Variants in LZTFL1 observed in about 807,000 individuals in gnomAD.
LZTFL1 encodes the protein leucine zipper transcription factor-like protein 1.
A neutral mutation model predicts 45.9 loss-of-function variants in LZTFL1; 25 were observed. That is an observed-to-expected ratio of 0.54 (90% CI 0.40 to 0.76). LZTFL1 has a LOEUF of 0.76. Among genes scored for constraint, LZTFL1 ranks in the 30% least tolerant of loss-of-function variants. The probability of loss-of-function intolerance (pLI) is 0.00; values close to 1 mark genes in which losing one functional copy is unlikely to be tolerated. For missense variants in LZTFL1, 277 were observed against 331.1 expected (o/e 0.84, Z 1.27); for synonymous variants, 93 against 117.4 (o/e 0.79, Z 1.35).
intron 2 of LZTFL1, among the ~76,000 whole-genome samples, chr3:45,869,836 A>T (rs974606898): frequency 1.0e-4 from 16 of 152,392 alleles, no homozygotes; most frequent in Admixed American, 7.8e-4. Flanking sequence ...AAGATGAAAG[A>T]TGATGTCATC....
chr3:45,914,077 G>T (rs1040837735), intron 1 of LZTFL1, among the ~76,000 whole-genome samples: 1 of 152,116 alleles, frequency 6.6e-6, no homozygotes, highest in Non-Finnish European at 1.5e-5. Context: ...TGAGGAAGAC[G>T]GCCTGGTTCC....
intron 2 of LZTFL1, among the ~76,000 whole-genome samples, chr3:45,861,399 C>CA (rs1451172597): frequency 1.3e-5 from 2 of 152,102 alleles, no homozygotes; most frequent in Non-Finnish European, 2.9e-5. Context: ...TGTATTTTCT[C>CA]AGTCAGAAGC....
intron 2 of LZTFL1, among the ~76,000 whole-genome samples, chr3:45,876,902 TG>T (rs1469372417): frequency 6.6e-6 from 1 of 152,126 alleles, no homozygotes; most frequent in African/African-American, 2.4e-5. Context: ...GTCACAGGAC[TG>T]GGGAGTGGAA....
At chr3:45,872,297 G>C (rs565338013) in intron 2 of LZTFL1, among the ~76,000 whole-genome samples, 1 of 152,168 alleles carries the variant, frequency 6.6e-6, no homozygotes, top group Non-Finnish European at 1.5e-5. Context: ...CTGTGGTGTC[G>C]ATCGAGTACT....
upstream of LZTFL1, chr3:45,842,301 T>G: frequency 4.1e-6 from 3 of 724,546 alleles, no homozygotes; most frequent in Non-Finnish European, 6.3e-6. Context: ...TTGCAGAAGG[T>G]AGCGGGAGGG....
At chr3:45,848,652 A>G (rs1575267951) in intron 4 of LZTFL1, among the ~76,000 whole-genome samples, 1 of 152,330 alleles carries the variant, frequency 6.6e-6, no homozygotes, top group East Asian at 1.9e-4. Context: ...AAAGTGTACT[A>G]CAGTTAATTG....
chr3:45,884,368 TTCTC>T (rs1437328264), intron 2 of LZTFL1, among the ~76,000 whole-genome samples: 1 of 151,696 alleles, frequency 6.6e-6, no homozygotes, highest in Non-Finnish European at 1.5e-5. Context: ...AAAGCGGAAG[TTCTC>T]TCTATGACTT....
At chr3:45,833,657 T>G (rs2742362) in intron 4 of LZTFL1, among the ~76,000 whole-genome samples, 131,086 of 152,264 alleles carry the variant, frequency 0.86, 56,979 homozygotes, top group East Asian at 1. Context: ...TTCTTAGCCA[T>G]AAATATGACC....
At chr3:45,840,119 A>G (rs1226707151) in intron 1 of LZTFL1, among the ~76,000 whole-genome samples, 1 of 152,128 alleles carries the variant, frequency 6.6e-6, no homozygotes, top group Non-Finnish European at 1.5e-5. Context: ...GCCAATTCCT[A>G]TCTGTTCATT....
At chr3:45,869,379 A>T (rs1701633169) in intron 2 of LZTFL1, among the ~76,000 whole-genome samples, 1 of 152,212 alleles carries the variant, frequency 6.6e-6, no homozygotes, top group African/African-American at 2.4e-5. Flanking sequence ...GAAAAAGAAG[A>T]CGCCATGCCT....
chr3:45,912,791 G>A (rs1575314802), intron 2 of LZTFL1, among the ~76,000 whole-genome samples: 1 of 152,148 alleles, frequency 6.6e-6, no homozygotes, highest in East Asian at 1.9e-4. Context: ...AGAGTCCAGA[G>A]CCCCCAGTCA....
At chr3:45,863,035 C>T (rs1559412657) in intron 2 of LZTFL1, among the ~76,000 whole-genome samples, 1 of 151,980 alleles carries the variant, frequency 6.6e-6, no homozygotes, top group African/African-American at 2.4e-5. Context: ...ATTATGAGAC[C>T]CAAGAATAAT....
intron 4 of LZTFL1, among the ~76,000 whole-genome samples, chr3:45,833,798 A>G (rs1379734172): frequency 1.3e-5 from 2 of 152,110 alleles, no homozygotes; most frequent in Non-Finnish European, 2.9e-5. Flanking sequence ...AATTAATGAG[A>G]ATGATTAGAA....
chr3:45,826,347 T>A lies in LZTFL1; in HGVS notation c.882-15A>T. ...CAGGTTCATATCTGGAGATATAAAT[T>A]AAGAACACAATGTCAGGATACCTTT... On this transcript the variant is annotated splice_polypyrimidine_tract_variant and intron_variant, in intron 9 of 9. Coordinates refer to ENST00000296135, the MANE Select transcript of LZTFL1 (RefSeq NM_020347.4). 6.2e-7 allele frequency: 1 copy of A among 1,606,662 alleles called. No individual in the cohort carries two copies. The highest frequency in any genetic ancestry group is 8.5e-7 in the Non-Finnish European group (1 of 1,174,048).
intron 2 of LZTFL1, among the ~76,000 whole-genome samples, chr3:45,905,828 A>C (rs1450191807): frequency 6.6e-6 from 1 of 152,216 alleles, no homozygotes; most frequent in Non-Finnish European, 1.5e-5. Context: ...TAGCATTTGC[A>C]TGACATGGTC....
chr3:45,849,922 T>G (rs1022006477), intron 4 of LZTFL1, among the ~76,000 whole-genome samples: 5 of 152,200 alleles, frequency 3.3e-5, no homozygotes, highest in Non-Finnish European at 1.5e-5. Flanking sequence ...TTTAAGAGAT[T>G]TAATGTATGA....
At chr3:45,885,888 G>T (rs1185274881) in intron 2 of LZTFL1, among the ~76,000 whole-genome samples, 1 of 152,070 alleles carries the variant, frequency 6.6e-6, no homozygotes, top group Non-Finnish European at 1.5e-5. Flanking sequence ...AATTGTTTTT[G>T]TGTGTTTTGT....
rs1280603454 is a variant in LZTFL1 at position 45,900,947 on chromosome 3, C to G, written c.-215+12173G>C. The G allele has an allele frequency of 2.5e-6, 4 of 1,614,106 alleles. No homozygotes were observed. The highest frequency in any genetic ancestry group is 1.1e-5 in the South Asian group (1 of 91,084). Reference sequence around the variant, plus strand: ...AGTTTGCGAGCCATTTCCTCCCACCCTTGTACTGGCTCGTGTTCATCGTGG... The same window carrying G: ...AGTTTGCGAGCCATTTCCTCCCACCGTTGTACTGGCTCGTGTTCATCGTGG... On this transcript the variant is annotated intron_variant, in intron 2 of 4. Coordinates refer to the LZTFL1 transcript ENST00000472635. The surrounding 1 kb of genome is among the most constrained non-coding windows in gnomAD (Gnocchi z 4.7).
At chr3:45,841,028 G>A (rs561766463) in intron 1 of LZTFL1, among the ~76,000 whole-genome samples, 32 of 152,336 alleles carry the variant, frequency 2.1e-4, no homozygotes, top group Non-Finnish European at 4.0e-4. Context: ...GGAAAGGAAT[G>A]ACAGAAGATA....
Sources: allele counts gnomAD v4.1 joint callset (sites outside exome capture counted in the v4.1 genomes callset), GRCh38; gene constraint gnomAD v4.1.1; non-coding constraint Gnocchi (gnomAD v3.1); transcripts MANE v1.5; gene names NCBI Gene and HGNC (gene_info 2026-07-23, HGNC 2026-07-21).